PLCB3: variants seen among roughly 807,000 people sequenced by gnomAD.
PLCB3 encodes phospholipase C beta 3, also known as 1-phosphatidylinositol 4,5-bisphosphate phosphodiesterase beta-3.
A neutral mutation model predicts 152.1 loss-of-function variants in PLCB3; 54 were observed. The ratio of observed to expected loss-of-function variants is 0.36; its 90% confidence interval spans 0.29 to 0.45. The LOEUF is 0.45. PLCB3 is among the 20% of genes least tolerant of loss of function. The pLI is 1.00. For missense variants in PLCB3, 1,248 were observed against 1,687.5 expected (o/e 0.74, Z 4.56); for synonymous variants, 717 against 698.7 (o/e 1.03, Z -0.41).
Position 64,260,152 on chromosome 11 carries a change from T to C in PLCB3, c.1649T>C (p.Leu550Pro), listed in dbSNP as rs755416443. 9.3e-6 allele frequency: 15 copies of C among 1,610,322 alleles called. No homozygotes were observed. Among genetic ancestry groups the C allele is most frequent in the Non-Finnish European group, 1.3e-5 (15 of 1,178,606 alleles). ...GGCCTGAACCGAGGCCCCTATGTTC[T>C]TGGACCTGCTGACCGTGAGGATGAG... The part of the protein sequence containing the change: ...DEGLNRGPYV[L>P]GPADREDEEE... Residue 550 changes from leucine to proline, a missense_variant, in exon 14 of 31, where the codon CTT becomes CCT. Physicochemically the swap from Leu to Pro is moderately conservative, Grantham distance 98. Coordinates refer to ENST00000279230, the MANE Select transcript of PLCB3 (RefSeq NM_000932.5).
intron 17 of PLCB3, 135 bp downstream of exon 17, chr11:64,262,211 T>C (rs547396739): frequency 4.0e-5 from 55 of 1,358,730 alleles, no homozygotes; most frequent in South Asian, 2.9e-4. Flanking sequence ...AGCTCCCGAC[T>C]CACCCCGCCT....
In PLCB3 at chr11:64,266,645, C is replaced by CT; in HGVS notation, c.3414+93_3414+94insT. 8.0e-7 allele frequency: 1 copy of CT among 1,243,464 alleles called. No individual in the cohort carries two copies. Among genetic ancestry groups the CT allele is most frequent in the Non-Finnish European group, 1.2e-6 (1 of 849,184 alleles). 77.0% of individuals were successfully genotyped at this position (1,243,464 alleles called of 1,614,324 possible). On this transcript the variant is annotated intron_variant, in intron 29 of 30. Transcript: ENST00000279230. This position sits in a 1 kb window ranked among gnomAD's most constrained non-coding sequence, Gnocchi z 4.9. ...GCCTGGCCTGGTGCCACGTTGCCCT[C>CT]AAGGTTCTTCTAGGGCCTTTCTCAA...
At chr11:64,251,833 C>T (rs980449711) in intron 1 of PLCB3, 85 bp downstream of exon 1, 1 of 754,186 alleles carries the variant, frequency 1.3e-6, no homozygotes, top group Non-Finnish European at 1.9e-6. Context: ...CCACCCCAGC[C>T]TCGCCTGCCC....
At chr11:64,252,570 C>T (rs1464780644) in intron 1 of PLCB3, among the ~76,000 whole-genome samples, 2 of 152,214 alleles carry the variant, frequency 1.3e-5, no homozygotes, top group African/African-American at 4.8e-5. Flanking sequence ...AGTCAGGCCA[C>T]GGGCCTGGAA....
In PLCB3 at chr11:64,267,513, C is replaced by T. The variant is rs376493974; in HGVS notation, c.3662C>T (p.Ser1221Leu). The part of the protein sequence containing the change: ...GHAPGSSGHL[S>L]GADSESQEEN... ...GCACCCGGGAGCAGCGGGCACCTGT[C>T]GGGCGCTGACTCGGAGAGCCAGGAG... The change falls in exon 31 of 31, where the codon TCG becomes TTG. Residue 1221 changes from serine to leucine, a missense_variant. Ser to Leu is a moderately radical substitution (Grantham distance 145, BLOSUM62 -2). This residue lies in a region of PLCB3 where 477 missense variants were observed against 489.6 expected (regional missense o/e 0.97). Coordinates refer to ENST00000279230, the MANE Select transcript of PLCB3 (RefSeq NM_000932.5). This position sits in a 1 kb window ranked among gnomAD's most constrained non-coding sequence, Gnocchi z 5.2. 3.9e-5 allele frequency: 61 copies of T among 1,568,982 alleles called. No homozygotes were observed. In the African/African-American group the frequency reaches 3.9e-4, roughly 10 times the overall value.
rs368885301 is a variant in PLCB3, at chr11:64,266,051, G to T, written c.3189+12G>T. On this transcript the variant is annotated intron_variant, in intron 26 of 30. Transcript: ENST00000279230. The surrounding 1 kb of genome is among the most constrained non-coding windows in gnomAD (Gnocchi z 4.9). Reference sequence around the variant, plus strand: ...AACACCTGAGACAGGTAGGGGGCCTGCAGTGGCCAGGGAAAGCCTGCTGGA... The same window carrying T: ...AACACCTGAGACAGGTAGGGGGCCTTCAGTGGCCAGGGAAAGCCTGCTGGA... 304 of 1,613,908 alleles carry T rather than the reference G, an allele frequency of 1.9e-4. 2 individuals carry two copies. The African/African-American group carries it at 3.8e-3, about 20-fold the overall frequency.
At chr11:64,257,999 C>A (rs909291195) in intron 10 of PLCB3, among the ~76,000 whole-genome samples, 11 of 151,878 alleles carry the variant, frequency 7.2e-5, no homozygotes, top group Non-Finnish European at 1.6e-4. Context: ...ACTAAAAATA[C>A]AAAAATTAGC....
At chr11:64,259,628 C>T (rs546297606) in intron 13 of PLCB3, among the ~76,000 whole-genome samples, 4 of 152,158 alleles carry the variant, frequency 2.6e-5, no homozygotes, top group Non-Finnish European at 4.4e-5. Flanking sequence ...TTTCAGCTGA[C>T]CTCTGACCTC....
chr11:64,266,003 C>T lies in PLCB3; in HGVS notation c.3153C>T (p.Asp1051=), dbSNP rs138022371. 1.7e-4 allele frequency: 273 copies of T among 1,614,038 alleles called. No homozygotes were observed. The highest frequency in any genetic ancestry group is 5.3e-4 in the Admixed American group (32 of 60,026). Residue 1051 remains aspartate, a synonymous_variant, in exon 26 of 31, where the codon GAC becomes GAT. Transcript: ENST00000279230. This position sits in a 1 kb window ranked among gnomAD's most constrained non-coding sequence, Gnocchi z 4.9. Reference sequence around the variant, plus strand: ...TGGAGCTGCGGGAGGCCCAGGTGGACGCAGAGGCCCAGCGGAGGCTGGAAC... The same window carrying T: ...TGGAGCTGCGGGAGGCCCAGGTGGATGCAGAGGCCCAGCGGAGGCTGGAAC... ...SLLELREAQV[D]AEAQRRLEHL... is the part of the protein sequence containing the mutation.
chr11:64,263,980 G>A (rs762670889), intron 21 of PLCB3, 41 bp from the exon 22 acceptor site: 3 of 1,490,866 alleles, frequency 2.0e-6, no homozygotes, highest in Non-Finnish European at 2.7e-6. Context: ...GGTGGCCTGG[G>A]GGCTCTGTCT....
chr11:64,261,807 C>T, intron 16 of PLCB3, 142 bp downstream of exon 16: 1 of 1,425,196 alleles, frequency 7.0e-7, no homozygotes, highest in Non-Finnish European at 9.8e-7. Flanking sequence ...GGGGCTTGGG[C>T]AGATCCAGGC....
In PLCB3 at chr11:64,267,662, A is replaced by G; in HGVS notation, c.*106A>G. On this transcript the variant is annotated 3_prime_UTR_variant, in exon 31 of 31. Coordinates refer to ENST00000279230, the MANE Select transcript of PLCB3 (RefSeq NM_000932.5). This position sits in a 1 kb window ranked among gnomAD's most constrained non-coding sequence, Gnocchi z 5.2. ...TTTTTTTTTAACTTTTTATCTAGAA[A>G]TTTTATTTTTTTAAACCCGGGGCAA... 1 of 951,664 alleles carries G rather than the reference A, an allele frequency of 1.1e-6. No individual in the cohort carries two copies. Among genetic ancestry groups the G allele is most frequent in the Non-Finnish European group, 1.5e-6 (1 of 653,928 alleles). The allele number at this position is 951,664 out of a possible 1,614,324, so 59.0% of individuals were successfully genotyped here.
intron 19 of PLCB3, among the ~76,000 whole-genome samples, chr11:64,263,151 A>C (rs565285974): frequency 2.0e-5 from 3 of 152,294 alleles, no homozygotes; most frequent in African/African-American, 7.2e-5. Context: ...ACGGCCCTGC[A>C]TGGACGCGGC....
chr11:64,264,043 C>A lies in PLCB3; in HGVS notation c.2583C>A (p.Asn861Lys). Residue 861 changes from asparagine (N) to lysine (K), a missense_variant, in exon 22 of 31, where the codon AAC becomes AAA. This residue lies in a region of PLCB3 where 244 missense variants were observed against 424.4 expected (regional missense o/e 0.57). Coordinates refer to ENST00000279230, the MANE Select transcript of PLCB3 (RefSeq NM_000932.5). Reference protein sequence around the residue: ...DHQDYAEALINPIKHVSLMDQ... With the variant: ...DHQDYAEALIKPIKHVSLMDQ... The stretch of plus-strand genomic sequence containing the variant: ...CAGACTATGCGGAGGCCCTGATCAA[C>A]CCCATTAAGCACGTCAGCCTGATGG... 6.4e-7 allele frequency: 1 copy of A among 1,572,606 alleles called. No homozygotes were observed. Among genetic ancestry groups the A allele is most frequent in the Non-Finnish European group, 8.6e-7 (1 of 1,160,370 alleles).
At position 64,266,041 on chromosome 11, in the gene PLCB3, TA is replaced by T. The variant is rs1179648244; in HGVS notation, c.3189+3del. 1.9e-6 allele frequency: 3 copies of T among 1,613,724 alleles called. No individual in the cohort carries two copies. The Admixed American group carries it at 5.0e-5, about 27-fold the overall frequency. On this transcript the variant is annotated splice_donor_region_variant and intron_variant, in intron 26 of 30. Coordinates refer to ENST00000279230, the MANE Select transcript of PLCB3 (RefSeq NM_000932.5). This position sits in a 1 kb window ranked among gnomAD's most constrained non-coding sequence, Gnocchi z 4.9. ...CGGAGGCTGGAACACCTGAGACAGG[TA>T]GGGGGCCTGCAGTGGCCAGGGAAAG...
chr11:64,254,769 A>T lies in PLCB3; in HGVS notation c.199A>T (p.Ser67Cys). 13 of 1,613,406 alleles carry T rather than the reference A, an allele frequency of 8.1e-6. No homozygotes were observed. The highest frequency in any genetic ancestry group is 1.1e-5 in the Non-Finnish European group (13 of 1,179,952). The change falls in exon 3 of 31, where the codon AGT becomes TGT. Residue 67 changes from serine (S) to cysteine (C), a missense_variant. Around this residue, in one of 6 missense-constraint regions of PLCB3, gnomAD observed 299 missense variants for 434.7 expected, o/e 0.69. Coordinates refer to ENST00000279230, the MANE Select transcript of PLCB3 (RefSeq NM_000932.5). ...CCAGGAGGTGGACACACTGGACATC[A>T]GTTCCATCAGGGACACACGGACAGG... ...PNMEVDTLDI[S>C]SIRDTRTGRY...
Position 64,255,207 on chromosome 11 carries a change from G to A in PLCB3, c.388-27G>A, listed in dbSNP as rs370069177. 56 of 1,591,606 alleles carry A rather than the reference G, an allele frequency of 3.5e-5. No individual in the cohort carries two copies. The Middle Eastern group carries it at 5.0e-4, about 14-fold the overall frequency. ...GCAGCCCCTGTGTCCCCCACTCACC[G>A]CCTCCCCGTGTATACTGGCCCCCCA... On this transcript the variant is annotated intron_variant, in intron 4 of 30. Coordinates refer to ENST00000279230, the MANE Select transcript of PLCB3 (RefSeq NM_000932.5). The surrounding 1 kb of genome is among the most constrained non-coding windows in gnomAD (Gnocchi z 6.8).
At chr11:64,252,650 G>A (rs1241519960) in intron 1 of PLCB3, among the ~76,000 whole-genome samples, 1 of 152,180 alleles carries the variant, frequency 6.6e-6, no homozygotes, top group Non-Finnish European at 1.5e-5. Context: ...GGAGATGGGG[G>A]CGTGGCCTGA....
Position 64,263,582 on chromosome 11 carries a change from T to G in PLCB3, c.2440T>G (p.Ser814Ala), listed in dbSNP as rs1185079538. Residue 814 changes from serine to alanine, a missense_variant, in exon 20 of 31, where the codon TCT becomes GCT. Physicochemically the swap from Ser to Ala is moderately conservative, Grantham distance 99. Coordinates refer to ENST00000279230, the MANE Select transcript of PLCB3 (RefSeq NM_000932.5). The part of the protein sequence containing the change: ...KFVGHRILPV[S>A]AIRSGYHYVC... ...CGTAGGGCACCGGATCCTGCCTGTC[T>G]CTGCCATCCGCTCCGGTGAGGCCTT... 1 of 1,612,240 alleles carries G rather than the reference T, an allele frequency of 6.2e-7. No individual in the cohort carries two copies. Among genetic ancestry groups the G allele is most frequent in the Non-Finnish European group, 8.5e-7 (1 of 1,179,060 alleles).
Sources: gnomAD v4.1 joint callset for allele counts (sites outside exome capture counted in the v4.1 genomes callset) on GRCh38, gnomAD v4.1.1 for gene constraint, gnomAD v4.1.1 regional missense constraint, Gnocchi (gnomAD v3.1) non-coding constraint, MANE v1.5 for transcripts, NCBI Gene and HGNC (gene_info 2026-07-23, HGNC 2026-07-21) for gene names.